Variants in DNAH8 observed in about 807,000 individuals in gnomAD.
DNAH8 encodes the protein dynein axonemal heavy chain 8.
In DNAH8, 382 loss-of-function variants were observed where a neutral mutation model predicts 562.1. The ratio of observed to expected loss-of-function variants is 0.68; its 90% confidence interval spans 0.63 to 0.74. The LOEUF (loss-of-function observed/expected upper bound fraction) is 0.74. DNAH8 is among the 30% of genes least tolerant of loss of function. The pLI, the probability that DNAH8 is intolerant of heterozygous loss-of-function variation, is 0.00. For missense variants in DNAH8, 5,203 were observed against 5,620.4 expected, an observed-to-expected ratio of 0.93 and a Z score of 2.37; for synonymous variants, 1,881 against 1,919.4, an observed-to-expected ratio of 0.98 and a Z score of 0.52.
intron 21 of DNAH8, among the ~76,000 whole-genome samples, chr6:38,797,599 C>T (rs2127667132): frequency 6.6e-6 from 1 of 152,220 alleles, no homozygotes; most frequent in Admixed American, 6.5e-5. Context: ...AATTCCAATT[C>T]CTTGTAAAAA....
intron 88 of DNAH8, among the ~76,000 whole-genome samples, chr6:39,004,494 C>T (rs1228602956): frequency 6.6e-6 from 1 of 152,136 alleles, no homozygotes; most frequent in Non-Finnish European, 1.5e-5. Context: ...GGATGATAAA[C>T]TCTTCTATTT....
chr6:38,982,313 A>G (rs369172107), intron 85 of DNAH8, 33 bp from the exon 86 acceptor site: 10 of 909,582 alleles, frequency 1.1e-5, no homozygotes, highest in African/African-American at 3.3e-5. Context: ...AATCAGGTAC[A>G]TGCAATACTT....
At chr6:38,923,313 C>A (rs1027227186) in intron 72 of DNAH8, 128 bp downstream of exon 72, 66 of 1,123,902 alleles carry the variant, frequency 5.9e-5, no homozygotes, top group Non-Finnish European at 4.7e-5. Context: ...ATCATGCACT[C>A]TCAGGTGAAA....
intron 26 of DNAH8, among the ~76,000 whole-genome samples, chr6:38,820,909 C>T (rs1354673383): frequency 6.6e-6 from 1 of 152,106 alleles, no homozygotes; most frequent in African/African-American, 2.4e-5. Flanking sequence ...TGAATTTTTT[C>T]CCCCTAAGAT....
chr6:38,877,205 G>A (rs1404124729), intron 53 of DNAH8, among the ~76,000 whole-genome samples: 1 of 152,132 alleles, frequency 6.6e-6, no homozygotes, highest in Non-Finnish European at 1.5e-5. Context: ...AAATTCATCA[G>A]CAGCAATTTT....
At chr6:38,933,146 CT>C (rs1489726548) in intron 76 of DNAH8, among the ~76,000 whole-genome samples, 1 of 152,174 alleles carries the variant, frequency 6.6e-6, no homozygotes, top group African/African-American at 2.4e-5. Flanking sequence ...CTAATTGGTG[CT>C]GTGGGTTTAT....
intron 83 of DNAH8, chr6:38,972,181 G>A (rs989129703): frequency 6.6e-6 from 1 of 152,078 alleles, no homozygotes; most frequent in Non-Finnish European, 1.5e-5. Context: ...TAAATACACA[G>A]GACATTAATT....
intron 38 of DNAH8, among the ~76,000 whole-genome samples, chr6:38,850,927 T>G (rs888246247): frequency 6.6e-6 from 1 of 152,170 alleles, no homozygotes; most frequent in Non-Finnish European, 1.5e-5. Flanking sequence ...GCAAAAGCCC[T>G]TTTTCCAAAT....
At chr6:38,911,203 A>G (rs993545935) in intron 65 of DNAH8, among the ~76,000 whole-genome samples, 3 of 152,204 alleles carry the variant, frequency 2.0e-5, no homozygotes, top group African/African-American at 7.2e-5. Flanking sequence ...AAATTCTGGG[A>G]GGGGTAGAGC....
chr6:38,805,834 T>A (rs112106004), intron 23 of DNAH8, among the ~76,000 whole-genome samples: 1 of 152,222 alleles, frequency 6.6e-6, no homozygotes, highest in South Asian at 2.1e-4. Flanking sequence ...CCTCTCCTCA[T>A]TGTGATTGAC....
At chr6:39,022,882 G>A (rs528740845) in intron 91 of DNAH8, among the ~76,000 whole-genome samples, 1 of 152,310 alleles carries the variant, frequency 6.6e-6, no homozygotes, top group Non-Finnish European at 1.5e-5. Context: ...TTGTATTTTA[G>A]ATACATATTT....
chr6:39,024,855 C>T (rs1295481800), intron 91 of DNAH8, among the ~76,000 whole-genome samples: 1 of 152,300 alleles, frequency 6.6e-6, no homozygotes, highest in East Asian at 1.9e-4. Flanking sequence ...GAAACTATAG[C>T]TTTATAAGAA....
Position 38,730,043 on chromosome 6 carries a change from G to A in DNAH8, c.610+57G>A, listed in dbSNP as rs566967577. On this transcript the variant is annotated intron_variant, in intron 4 of 92. Coordinates refer to ENST00000327475, the MANE Select transcript of DNAH8 (RefSeq NM_001206927.2). ...ATTAGTTCATGCACGTTAAAGTGCA[G>A]CATATTTTTTCTCTTATACATAGAT... 24 of 796,324 alleles carry A rather than the reference G, an allele frequency of 3.0e-5. 1 individual carries two copies. Among genetic ancestry groups the A allele is most frequent in the African/African-American group, 2.1e-4 (12 of 57,554 alleles). The allele number at this position is 796,324 out of a possible 1,614,324, so 49.3% of individuals were successfully genotyped here.
At chr6:38,798,965 G>A (rs1171687765) in intron 21 of DNAH8, among the ~76,000 whole-genome samples, 2 of 152,106 alleles carry the variant, frequency 1.3e-5, no homozygotes, top group African/African-American at 4.8e-5. Context: ...AAGCAAGGAG[G>A]GAATGGGAAA....
In DNAH8 at chr6:38,759,339, A is replaced by AAACC. The variant is rs1554202255; in HGVS notation, c.1516-2361_1516-2358dup. Among the ~76,000 whole-genome samples, 106 of 149,906 alleles carry AAACC rather than the reference A, an allele frequency of 7.1e-4. 7 individuals carry two copies. The East Asian group carries it at 8.2e-3, about 12-fold the overall frequency. ...CAAACAAACAAACAAACAAACAAAC[A>AAACC]AACCACCACCAACGAAAAAACCCAC... On this transcript the variant is annotated intron_variant, in intron 10 of 92. Transcript: ENST00000327475.
intron 92 of DNAH8, among the ~76,000 whole-genome samples, chr6:39,029,744 A>G (rs1164427871): frequency 2.0e-5 from 3 of 152,164 alleles, no homozygotes; most frequent in Non-Finnish European, 4.4e-5. Flanking sequence ...CAGCAGCTCT[A>G]GATCCTGTTC....
At chr6:38,804,759 A>AAGAGAGAGAGAGAG (rs137967997) in intron 22 of DNAH8, among the ~76,000 whole-genome samples, 46 of 111,176 alleles carry the variant, frequency 4.1e-4, no homozygotes, top group African/African-American at 1.2e-3. Flanking sequence ...ACATAGCAAG[A>AAGAGAGAGAGAGAG]AGAGAGAGAG....
intron 16 of DNAH8, among the ~76,000 whole-genome samples, chr6:38,782,561 C>A (rs758590402): frequency 1.1e-4 from 16 of 152,190 alleles, no homozygotes; most frequent in Non-Finnish European, 2.2e-4. Context: ...GGATTACAGG[C>A]GTGAGCTACG....
chr6:38,836,446 C>CA (rs71543945), intron 32 of DNAH8, among the ~76,000 whole-genome samples: 33 of 129,746 alleles, frequency 2.5e-4, no homozygotes, highest in Non-Finnish European at 2.8e-4. Flanking sequence ...GACTCCATCT[C>CA]AAAAAAAAAA....
Sources: allele counts gnomAD v4.1 joint callset (sites outside exome capture counted in the v4.1 genomes callset), GRCh38; gene constraint gnomAD v4.1.1; transcripts MANE v1.5; gene names NCBI Gene and HGNC (gene_info 2026-07-23, HGNC 2026-07-21).